Variants in FLT1 observed in about 807,000 individuals in gnomAD.
The protein encoded by FLT1 is fms related receptor tyrosine kinase 1, also known as vascular endothelial growth factor receptor 1.
Under a neutral mutation model 156.3 loss-of-function variants are expected in FLT1, and 49 were observed. The observed-to-expected ratio is 0.31, with a 90% CI of 0.25 to 0.40. The LOEUF (loss-of-function observed/expected upper bound fraction) is 0.40, where lower values mean the gene tolerates loss of function less well. Ranked by LOEUF, FLT1 falls within the 10% of genes least tolerant of loss-of-function variation. The pLI, the probability that FLT1 is intolerant of heterozygous loss-of-function variation, is 1.00. For missense variants in FLT1, 1,322 were observed against 1,637.2 expected (o/e 0.81, Z 3.32); for synonymous variants, 594 against 583.8 (o/e 1.02, Z -0.25).
intron 1 of FLT1, among the ~76,000 whole-genome samples, chr13:28,482,414 G>A (rs1304060338): frequency 8.6e-5 from 13 of 150,652 alleles, no homozygotes; most frequent in Non-Finnish European, 1.5e-5. Context: ...GACAACAAAA[G>A]TGAAACTCCA....
In FLT1 at chr13:28,356,631, A is replaced by G. The variant is rs1441137716; in HGVS notation, c.2248+923T>C. 2.0e-5 allele frequency among the ~76,000 whole-genome samples: 3 copies of G among 152,208 alleles called. No homozygotes were observed. The East Asian group carries it at 5.8e-4, about 29-fold the overall frequency. Reference sequence around the variant, plus strand: ...GGGTTTGAATTCTCAGAGTTAAAATATTTAAGCAATGTAAGTTTCAGGGGG... The same window carrying G: ...GGGTTTGAATTCTCAGAGTTAAAATGTTTAAGCAATGTAAGTTTCAGGGGG... On this transcript the variant is annotated intron_variant, in intron 15 of 29. Coordinates refer to ENST00000282397, the MANE Select transcript of FLT1 (RefSeq NM_002019.4).
intron 14 of FLT1, among the ~76,000 whole-genome samples, chr13:28,381,680 C>T (rs968485553): frequency 1.3e-5 from 2 of 152,202 alleles, no homozygotes; most frequent in Non-Finnish European, 2.9e-5. Flanking sequence ...TCTCAAGGGA[C>T]TAGCTTTCCA....
chr13:28,304,572 T>G (rs2138803797), intron 29 of FLT1, among the ~76,000 whole-genome samples: 1 of 152,322 alleles, frequency 6.6e-6, no homozygotes, highest in South Asian at 2.1e-4. Context: ...TTCGCCTATT[T>G]AAAATGTGTA....
At chr13:28,420,336 T>A (rs181532723) in intron 10 of FLT1, among the ~76,000 whole-genome samples, 1 of 152,240 alleles carries the variant, frequency 6.6e-6, no homozygotes, top group African/African-American at 2.4e-5. Flanking sequence ...TTTGGTCAAG[T>A]GGTCTTCTTT....
intron 10 of FLT1, among the ~76,000 whole-genome samples, chr13:28,411,179 C>G (rs9551468): frequency 0.44 from 67,140 of 151,720 alleles, 15,950 homozygotes; most frequent in Middle Eastern, 0.59. Context: ...AATTCTAGTT[C>G]GTTTTGGTCA....
intron 26 of FLT1, 66 bp from the exon 27 acceptor site, chr13:28,311,798 A>G: frequency 1.9e-6 from 3 of 1,555,738 alleles, no homozygotes; most frequent in South Asian, 1.1e-5. Context: ...ATGAACCATT[A>G]TGTCAACTTT....
chr13:28,412,338 C>CTTTCTTTCTTTCTTTCT (rs1469691863), intron 10 of FLT1, among the ~76,000 whole-genome samples: 12 of 77,788 alleles, frequency 1.5e-4, no homozygotes, highest in East Asian at 1.3e-3. Flanking sequence ...TCTTTTCTTT[C>CTTTCTTTCTTTCTTTCT]TTTCTTTCTT....
chr13:28,429,630 C>T (rs1429936430), intron 8 of FLT1, among the ~76,000 whole-genome samples: 1 of 152,172 alleles, frequency 6.6e-6, no homozygotes, highest in Non-Finnish European at 1.5e-5. Flanking sequence ...CTGGAACTTT[C>T]AACCCAGCTG....
chr13:28,483,534 C>T (rs1880976728), intron 1 of FLT1, among the ~76,000 whole-genome samples: 2 of 152,176 alleles, frequency 1.3e-5, no homozygotes, highest in Non-Finnish European at 2.9e-5. Flanking sequence ...TTTTTCTCAG[C>T]TTCTGGTAAC....
intron 11 of FLT1, among the ~76,000 whole-genome samples, chr13:28,398,533 C>G (rs925476224): frequency 2.0e-5 from 3 of 152,138 alleles, no homozygotes; most frequent in Admixed American, 6.5e-5. Flanking sequence ...ACACATGTTC[C>G]TCATGTTTTT....
At position 28,302,030 on chromosome 13, in the gene FLT1, G is replaced by T. The variant is rs781538996; in HGVS notation, c.*1137C>A. 6 of 233,464 alleles carry T rather than the reference G, an allele frequency of 2.6e-5. No homozygotes were observed. Among genetic ancestry groups the T allele is most frequent in the Non-Finnish European group, 4.2e-5 (5 of 118,056 alleles). The allele number at this position is 233,464 out of a possible 1,614,324, so 14.5% of individuals were successfully genotyped here. On this transcript the variant is annotated 3_prime_UTR_variant, in exon 30 of 30. Transcript: ENST00000282397. ...ACGTGACTGACTTCCTGTGTTTTGG[G>T]TCCCAACTGTGTTGGTGAATTGGTT...
At chr13:28,399,266 G>GT (rs1555234960) in intron 11 of FLT1, 69 of 503,508 alleles carry the variant, frequency 1.4e-4, no homozygotes, top group East Asian at 2.1e-4. Flanking sequence ...CTCCAGCACT[G>GT]TTTTTTTTAT....
At chr13:28,483,583 T>C (rs1880978954) in intron 1 of FLT1, among the ~76,000 whole-genome samples, 1 of 152,166 alleles carries the variant, frequency 6.6e-6, no homozygotes, top group African/African-American at 2.4e-5. Flanking sequence ...CTTCTCCGAG[T>C]AACAGGTCAA....
chr13:28,446,981 T>G (rs1335104865), intron 3 of FLT1, among the ~76,000 whole-genome samples: 1 of 152,066 alleles, frequency 6.6e-6, no homozygotes, highest in African/African-American at 2.4e-5. Context: ...GATGAACCCA[T>G]GTGTCTATGG....
Position 28,303,297 on chromosome 13 carries a change from C to T in FLT1, c.3887G>A (p.Ser1296Asn). 6.2e-7 allele frequency: 1 copy of T among 1,614,138 alleles called. No homozygotes were observed. Among genetic ancestry groups the T allele is most frequent in the South Asian group, 1.1e-5 (1 of 91,080 alleles). Residue 1296 changes from serine to asparagine, a missense_variant, in exon 30 of 30, where the codon AGC becomes AAC. This residue lies in a region of FLT1 where 329 missense variants were observed against 366.2 expected (regional missense o/e 0.90). Transcript: ENST00000282397. ...CTTGCCTTCGCTGACGTGCCCACAG[C>T]TGGAATGGCAGAAACTGGGCCTGCT... ...DVSRPSFCHS[S>N]CGHVSEGKRR... is the part of the protein sequence containing the mutation.
chr13:28,368,718 T>TC (rs1327438920), intron 14 of FLT1: 2 of 752,344 alleles, frequency 2.7e-6, no homozygotes, highest in Admixed American at 4.4e-5. Context: ...TTTTTTTTTT[T>TC]TTTGAGACAG....
At chr13:28,389,061 C>A (rs1173049700) in intron 13 of FLT1, 2 of 1,063,932 alleles carry the variant, frequency 1.9e-6, no homozygotes, top group East Asian at 1.0e-4. Flanking sequence ...CTGCGATAAA[C>A]CTTTACTATC....
At chr13:28,387,813 A>AG (rs1874457898) in intron 13 of FLT1, 1 of 1,055,760 alleles carries the variant, frequency 9.5e-7, no homozygotes, top group African/African-American at 1.7e-5. Context: ...TTCTTTAAAA[A>AG]AAAAAAAAAA....
chr13:28,319,932 G>C lies in FLT1; in HGVS notation c.3175-398C>G, dbSNP rs191435082. 1.1e-4 allele frequency among the ~76,000 whole-genome samples: 17 copies of C among 152,318 alleles called. 1 individual carries two copies. Among genetic ancestry groups the C allele is most frequent in the Middle Eastern group, 6.8e-3 (2 of 294 alleles). Reference sequence around the variant, plus strand: ...GTGGTTTCCAAAAATTTTTCCAAAGGAGGATTTTGAAAGCATTCCTATGCA... The same window carrying C: ...GTGGTTTCCAAAAATTTTTCCAAAGCAGGATTTTGAAAGCATTCCTATGCA... On this transcript the variant is annotated intron_variant, in intron 23 of 29. Coordinates refer to ENST00000282397, the MANE Select transcript of FLT1 (RefSeq NM_002019.4).
Sources: gnomAD v4.1 joint callset for allele counts (sites outside exome capture counted in the v4.1 genomes callset) on GRCh38, gnomAD v4.1.1 for gene constraint, gnomAD v4.1.1 regional missense constraint, MANE v1.5 for transcripts, NCBI Gene and HGNC (gene_info 2026-07-23, HGNC 2026-07-21) for gene names.